Variants in CD4 observed in about 807,000 individuals in gnomAD.
CD4 encodes T-cell surface glycoprotein CD4.
A neutral mutation model predicts 50.5 loss-of-function variants in CD4; 25 were observed. That is an observed-to-expected ratio of 0.49 (90% CI 0.36 to 0.69). CD4 has a LOEUF of 0.69. Among genes scored for constraint, CD4 ranks in the 30% least tolerant of loss-of-function variants. The pLI is 0.00. For missense variants in CD4, 456 were observed against 548.5 expected (o/e 0.83, Z 1.68); for synonymous variants, 207 against 221.9 (o/e 0.93, Z 0.60).
At chr12:6,794,079 CT>C (rs199663637) in intron 1 of CD4, among the ~76,000 whole-genome samples, 5,351 of 141,752 alleles carry the variant, frequency 0.038, 266 homozygotes, top group African/African-American at 0.12. Flanking sequence ...ATCTATCTAT[CT>C]TTTTTTTTTT....
At position 6,800,088 on chromosome 12, in the gene CD4, G is replaced by C. The variant is rs200843910; in HGVS notation, c.-51G>C. 5.2e-6 allele frequency: 8 copies of C among 1,552,886 alleles called. No individual in the cohort carries two copies. Among genetic ancestry groups the C allele is most frequent in the Non-Finnish European group, 6.2e-6 (7 of 1,125,038 alleles). ...TTCCCTCAGGCCCTGCCATTTCTGT[G>C]GGCTCAGGTCCCTACTGGCTCAGGC... is the stretch of plus-strand genomic sequence containing the variant. On this transcript the variant is annotated 5_prime_UTR_variant, in exon 2 of 10. Transcript: ENST00000011653.
At chr12:6,797,018 C>T (rs546399930) in intron 1 of CD4, among the ~76,000 whole-genome samples, 34 of 152,264 alleles carry the variant, frequency 2.2e-4, no homozygotes, top group African/African-American at 7.9e-4. Flanking sequence ...TTATGGTTTT[C>T]AAACTTGAGC....
rs145390433 is a variant in CD4 at position 6,797,838 on chromosome 12, G to A, written c.-67-2234G>A. On this transcript the variant is annotated intron_variant, in intron 1 of 9. Coordinates refer to ENST00000011653, the MANE Select transcript of CD4 (RefSeq NM_000616.5). ...GGCAGTTTTCTCCTCTCTCAAAATA[G>A]AATGTATGATCGGTTTTACACCGGG... is the stretch of plus-strand genomic sequence containing the variant. Among the ~76,000 whole-genome samples the A allele has an allele frequency of 5.4e-3, 824 of 152,276 alleles. 7 individuals are homozygous for A. The highest frequency in any genetic ancestry group is 0.019 in the African/African-American group (779 of 41,540).
intron 1 of CD4, among the ~76,000 whole-genome samples, chr12:6,798,028 T>C (rs954990057): frequency 6.6e-6 from 1 of 152,046 alleles, no homozygotes; most frequent in African/African-American, 2.4e-5. Context: ...TCTCAGGCTG[T>C]CTCAGTGGGG....
rs763211966 is a variant in CD4 at position 6,794,775 on chromosome 12, G to GTT, written c.-68+5122_-68+5123dup. Among the ~76,000 whole-genome samples, 55 of 112,492 alleles carry GTT rather than the reference G, an allele frequency of 4.9e-4. 1 individual carries two copies. The highest frequency in any genetic ancestry group is 1.6e-3 in the Admixed American group (15 of 9,670). The allele number at this position is 112,492 out of a possible 152,430, so 73.8% of individuals were successfully genotyped here. On this transcript the variant is annotated intron_variant, in intron 1 of 9. Transcript: ENST00000011653. ...ATCTAATCTATCTGTCTGTATGTCT[G>GTT]TTTTTTTTTTGTTTTTTTTTTTTTT...
At chr12:6,813,803 TTCTC>T (rs553069607) in intron 3 of CD4, among the ~76,000 whole-genome samples, 127 of 152,328 alleles carry the variant, frequency 8.3e-4, no homozygotes, top group African/African-American at 2.7e-3. Flanking sequence ...GAGTCTCAGT[TTCTC>T]TATCTGCAAA....
Position 6,818,560 on chromosome 12 carries a change from T to C in CD4, c.1278+18T>C, listed in dbSNP as rs1163507429. ...ACCGAAGGGTGAGTAACCCCACACCTGGTCCCCACAAGGCCCTCAAACCCC... is the reference window on the plus strand; with the variant it reads ...ACCGAAGGGTGAGTAACCCCACACCCGGTCCCCACAAGGCCCTCAAACCCC... On this transcript the variant is annotated intron_variant, in intron 8 of 9. Coordinates refer to ENST00000011653, the MANE Select transcript of CD4 (RefSeq NM_000616.5). The surrounding 1 kb of genome is among the most constrained non-coding windows in gnomAD (Gnocchi z 5.0). The C allele has an allele frequency of 6.2e-7, 1 of 1,612,158 alleles. No homozygotes were observed. Among genetic ancestry groups the C allele is most frequent in the East Asian group, 2.2e-5 (1 of 44,882 alleles).
At chr12:6,800,253 G>C in intron 2 of CD4, 54 bp from the exon 3 acceptor site, 1 of 1,612,490 alleles carries the variant, frequency 6.2e-7, no homozygotes, top group Non-Finnish European at 8.5e-7. Flanking sequence ...TGGAGGATGG[G>C]GTAGAGGGGG....
Position 6,818,483 on chromosome 12 carries a change from G to T in CD4, c.1219G>T (p.Gly407Cys). Residue 407 changes from glycine to cysteine, a missense_variant, in exon 8 of 10, where the codon GGC becomes TGC. Gly to Cys is a radical substitution (Grantham distance 159). Coordinates refer to ENST00000011653, the MANE Select transcript of CD4 (RefSeq NM_000616.5). The surrounding 1 kb of genome is among the most constrained non-coding windows in gnomAD (Gnocchi z 5.0). ...CCTGATTGTGCTGGGGGGCGTCGCC[G>T]GCCTCCTGCTTTTCATTGGGCTAGG... is the stretch of plus-strand genomic sequence containing the variant. ...MALIVLGGVA[G>C]LLLFIGLGIF... The T allele has an allele frequency of 6.2e-7, 1 of 1,612,976 alleles. No individual in the cohort carries two copies.
chr12:6,811,247 C>G (rs11064412), intron 3 of CD4, among the ~76,000 whole-genome samples: 1 of 152,066 alleles, frequency 6.6e-6, no homozygotes, highest in Non-Finnish European at 1.5e-5. Context: ...GAACTGTTTG[C>G]TATGTAAATT....
intron 7 of CD4, 77 bp downstream of exon 7, chr12:6,817,407 C>T: frequency 1.6e-6 from 2 of 1,284,112 alleles, no homozygotes; most frequent in Non-Finnish European, 2.2e-6. Context: ...CACCCAGAGT[C>T]CCGGCCTCCC....
At chr12:6,812,175 G>A (rs782009865) in intron 3 of CD4, among the ~76,000 whole-genome samples, 3 of 152,082 alleles carry the variant, frequency 2.0e-5, no homozygotes, top group South Asian at 2.1e-4. Flanking sequence ...TGAGGTGGGC[G>A]GGTTGCTTGA....
intron 3 of CD4, among the ~76,000 whole-genome samples, chr12:6,808,420 C>T (rs1423118922): frequency 2.5e-5 from 3 of 122,012 alleles, no homozygotes; most frequent in African/African-American, 8.9e-5. Context: ...TACTGCACTC[C>T]AGCCTGGGTG....
intron 1 of CD4, among the ~76,000 whole-genome samples, chr12:6,796,301 G>C (rs1942374876): frequency 6.6e-6 from 1 of 152,208 alleles, no homozygotes. Context: ...ACGGGGTGCT[G>C]TGGGACTTCA....
At position 6,791,335 on chromosome 12, in the gene CD4, T is replaced by A. The variant is rs564192039; in HGVS notation, c.-68+1673T>A. 2.0e-5 allele frequency among the ~76,000 whole-genome samples: 3 copies of A among 152,314 alleles called. No individual in the cohort carries two copies. The East Asian group carries it at 5.8e-4, about 29-fold the overall frequency. ...TCCACTCACTGCAGCCTCCACCTCC[T>A]GGGTTCAAGCGATTCTCCTGCCTCA... On this transcript the variant is annotated intron_variant, in intron 1 of 9. Transcript: ENST00000011653.
In CD4 at chr12:6,820,699, C is replaced by A. The variant is rs1375528872; in HGVS notation, c.*1370C>A. The A allele has an allele frequency of 6.6e-6, 1 of 152,414 alleles. No homozygotes were observed. The highest frequency in any genetic ancestry group is 1.5e-5 in the Non-Finnish European group (1 of 68,124). The allele number at this position is 152,414 out of a possible 1,614,324, so 9.4% of individuals were successfully genotyped here. A position where few individuals can be genotyped will look rare whatever the true frequency, so the allele number is the denominator to read the frequency against. On this transcript the variant is annotated 3_prime_UTR_variant, in exon 10 of 10. Transcript: ENST00000011653. ...TTAAAGCCTGCCTCTTCCAGGAAGA[C>A]CCCCCTATTGCTGCTGGGGCTCCCC...
At chr12:6,819,225 G>T (rs1555118637) in intron 9 of CD4, 74 bp from the exon 10 acceptor site, 1 of 1,453,548 alleles carries the variant, frequency 6.9e-7, no homozygotes, top group African/African-American at 1.4e-5. Context: ...CGCTGGAAAG[G>T]CCATTGGAGG....
intron 1 of CD4, among the ~76,000 whole-genome samples, chr12:6,797,617 G>A (rs1942410407): frequency 6.6e-6 from 1 of 152,156 alleles, no homozygotes; most frequent in African/African-American, 2.4e-5. Context: ...GGGGAATGTG[G>A]TGGGGCTATA....
intron 3 of CD4, among the ~76,000 whole-genome samples, chr12:6,804,509 A>G (rs1205317225): frequency 1.3e-5 from 2 of 152,236 alleles, no homozygotes; most frequent in African/African-American, 4.8e-5. Flanking sequence ...AACATAAAAA[A>G]TCTATTGTAT....
Sources: allele counts gnomAD v4.1 joint callset (sites outside exome capture counted in the v4.1 genomes callset), GRCh38; gene constraint gnomAD v4.1.1; non-coding constraint Gnocchi (gnomAD v3.1); transcripts MANE v1.5; gene names NCBI Gene and HGNC (gene_info 2026-07-23, HGNC 2026-07-21).